The following KCTD16 variants were observed in gnomAD, a reference collection of about 807,000 sequenced individuals.
KCTD16 encodes potassium channel tetramerization domain containing 16.
A neutral mutation model predicts 33.2 loss-of-function variants in KCTD16; 13 were observed. The observed-to-expected ratio is 0.39, with a 90% confidence interval of 0.25 to 0.62. The LOEUF (loss-of-function observed/expected upper bound fraction) is 0.62, where lower values mean the gene tolerates loss of function less well. KCTD16 is among the 20% of genes least tolerant of loss of function. The pLI, the probability that KCTD16 is intolerant of heterozygous loss-of-function variation, is 0.50. For missense variants in KCTD16, 441 were observed against 525.1 expected, an observed-to-expected ratio of 0.84 and a Z score of 1.57; for synonymous variants, 197 against 195.3, an observed-to-expected ratio of 1.01 and a Z score of -0.07.
At chr5:144,439,326 G>T in intron 3 of KCTD16, 1 of 495,214 alleles carries the variant, frequency 2.0e-6, no homozygotes. Context: ...GAATTGAATG[G>T]AGGAATCTTG....
intron 3 of KCTD16, among the ~76,000 whole-genome samples, chr5:144,242,285 T>C (rs1754425047): frequency 6.6e-6 from 1 of 152,148 alleles, no homozygotes; most frequent in Non-Finnish European, 1.5e-5. Flanking sequence ...TATAAAAAGA[T>C]GTACTTCTTA....
intron 2 of KCTD16, among the ~76,000 whole-genome samples, chr5:144,203,131 C>T (rs919367034): frequency 6.6e-6 from 1 of 152,028 alleles, no homozygotes; most frequent in Non-Finnish European, 1.5e-5. Flanking sequence ...TCAAAAGTAA[C>T]CTAACCTATA....
intron 2 of KCTD16, among the ~76,000 whole-genome samples, chr5:144,183,054 AAAAT>A (rs1752658090): frequency 6.6e-6 from 1 of 151,524 alleles, no homozygotes; most frequent in Non-Finnish European, 1.5e-5. Flanking sequence ...ATAAAAAAAA[AAAAT>A]AAAAGAGTGG....
In KCTD16 at chr5:144,460,483, C is replaced by A. The variant is rs951452246; in HGVS notation, c.833-13177C>A. Among the ~76,000 whole-genome samples the A allele has an allele frequency of 1.1e-3, 164 of 152,280 alleles. 2 individuals carry two copies. The highest frequency in any genetic ancestry group is 3.7e-3 in the African/African-American group (155 of 41,550). ...TTGAGGCAGAGTCTCACTCTGTCAC[C>A]CAAGCTGGAGTGCAGTGGCAAAATC... On this transcript the variant is annotated intron_variant, in intron 3 of 3. Transcript: ENST00000512467.
At chr5:144,435,066 T>A (rs1361947422) in intron 3 of KCTD16, among the ~76,000 whole-genome samples, 1 of 152,110 alleles carries the variant, frequency 6.6e-6, no homozygotes, top group Non-Finnish European at 1.5e-5. Flanking sequence ...GGGTCCATGG[T>A]TTTTATTGGT....
intron 3 of KCTD16, among the ~76,000 whole-genome samples, chr5:144,425,790 G>A (rs575773806): frequency 8.5e-5 from 13 of 152,154 alleles, no homozygotes; most frequent in African/African-American, 2.9e-4. Context: ...AGAGCACCTT[G>A]GGCCCATCAC....
intron 3 of KCTD16, among the ~76,000 whole-genome samples, chr5:144,460,814 A>T (rs2126992102): frequency 6.6e-6 from 1 of 152,324 alleles, no homozygotes; most frequent in South Asian, 2.1e-4. Flanking sequence ...GGCAGAGATC[A>T]ATCAAATCTT....
chr5:144,246,397 A>C (rs1754550044), intron 3 of KCTD16, among the ~76,000 whole-genome samples: 1 of 152,224 alleles, frequency 6.6e-6, no homozygotes, highest in African/African-American at 2.4e-5. Flanking sequence ...TCTGGCTTTG[A>C]GTTACATCTG....
intron 3 of KCTD16, among the ~76,000 whole-genome samples, chr5:144,415,387 G>C (rs62401784): frequency 1.1e-4 from 16 of 152,116 alleles, no homozygotes; most frequent in Non-Finnish European, 1.9e-4. Flanking sequence ...GGAACCCGAG[G>C]ATGAGGTCAT....
At chr5:144,227,481 C>T (rs1233357797) in intron 3 of KCTD16, among the ~76,000 whole-genome samples, 1 of 152,140 alleles carries the variant, frequency 6.6e-6, no homozygotes, top group African/African-American at 2.4e-5. Flanking sequence ...ATTTATAGGT[C>T]TTTGTAAGGA....
chr5:144,463,755 G>A (rs1350980201), intron 3 of KCTD16, among the ~76,000 whole-genome samples: 1 of 152,192 alleles, frequency 6.6e-6, no homozygotes, highest in Non-Finnish European at 1.5e-5. Flanking sequence ...AAGAGAGTCT[G>A]ATTCATAGGG....
chr5:144,460,381 A>G (rs192778120), intron 3 of KCTD16, among the ~76,000 whole-genome samples: 1 of 152,236 alleles, frequency 6.6e-6, no homozygotes, highest in East Asian at 1.9e-4. Context: ...ATCTTCTCAG[A>G]CCAACTCACT....
intron 3 of KCTD16, among the ~76,000 whole-genome samples, chr5:144,331,735 T>G (rs781117658): frequency 1.3e-5 from 2 of 152,202 alleles, no homozygotes; most frequent in Non-Finnish European, 2.9e-5. Context: ...AGACTCTCTA[T>G]CCTTAAGGAG....
chr5:144,401,197 A>G (rs1440994067), intron 3 of KCTD16, among the ~76,000 whole-genome samples: 1 of 152,208 alleles, frequency 6.6e-6, no homozygotes, highest in Non-Finnish European at 1.5e-5. Context: ...AGGATGGGAT[A>G]TGTTGATTTT....
At position 144,481,533 on chromosome 5, in the gene KCTD16, C is replaced by A. The variant is rs558863460; in HGVS notation, c.*7419C>A. On this transcript the variant is annotated 3_prime_UTR_variant, in exon 4 of 4. Coordinates refer to ENST00000512467, the MANE Select transcript of KCTD16 (RefSeq NM_020768.4). ...GACTTTATTAGAACACAATTTGTGT[C>A]TGAAATGATTTGACATTTTTCTTTT... 2.0e-5 allele frequency: 3 copies of A among 151,846 alleles called. No homozygotes were observed. Among genetic ancestry groups the A allele is most frequent in the African/African-American group, 4.8e-5 (2 of 41,386 alleles). The allele number at this position is 151,846 out of a possible 1,614,324, so 9.4% of individuals were successfully genotyped here.
intron 3 of KCTD16, among the ~76,000 whole-genome samples, chr5:144,288,858 G>A (rs981814036): frequency 2.6e-5 from 4 of 152,174 alleles, no homozygotes; most frequent in East Asian, 1.9e-4. Context: ...CAGCTACTCC[G>A]GAGGCTGCCT....
chr5:144,456,935 A>G (rs1420516330), intron 3 of KCTD16, among the ~76,000 whole-genome samples: 2 of 152,204 alleles, frequency 1.3e-5, no homozygotes, highest in African/African-American at 4.8e-5. Context: ...GTATTTAAAT[A>G]TCTGAAAGGT....
At chr5:144,332,725 C>G (rs898745270) in intron 3 of KCTD16, among the ~76,000 whole-genome samples, 10 of 152,128 alleles carry the variant, frequency 6.6e-5, no homozygotes, top group African/African-American at 2.4e-5. Context: ...AAAATACTAA[C>G]ACTTGGCATC....
rs941874113 is a variant in KCTD16, at chr5:144,180,249, C to T, written c.-327+5777C>T. ...AGACCCACAGTCCTGAGCATTAGTG[C>T]ACATGGGATTAGACACTGAGGGATA... is the stretch of plus-strand genomic sequence containing the variant. On this transcript the variant is annotated intron_variant, in intron 2 of 3. Coordinates refer to ENST00000512467, the MANE Select transcript of KCTD16 (RefSeq NM_020768.4). Among the ~76,000 whole-genome samples the T allele has an allele frequency of 2.6e-5, 4 of 152,168 alleles. 1 individual carries two copies. Among genetic ancestry groups the T allele is most frequent in the Admixed American group, 2.6e-4 (4 of 15,270 alleles).
Sources: gnomAD v4.1 joint callset for allele counts (sites outside exome capture counted in the v4.1 genomes callset) on GRCh38, gnomAD v4.1.1 for gene constraint, MANE v1.5 for transcripts, NCBI Gene and HGNC (gene_info 2026-07-23, HGNC 2026-07-21) for gene names.